CIB1: variants seen among roughly 807,000 people sequenced by gnomAD.
CIB1 encodes calcium and integrin-binding protein 1.
Under a neutral mutation model 25.0 loss-of-function variants are expected in CIB1, and 19 were observed. That is an observed-to-expected ratio of 0.76 (90% CI 0.53 to 1.12). The LOEUF (loss-of-function observed/expected upper bound fraction) is 1.12, where lower values mean the gene tolerates loss of function less well. Ranked by LOEUF, CIB1 falls within the 50% of genes most tolerant of loss-of-function variation. The pLI is 0.00. For missense variants in CIB1, 236 were observed against 242.6 expected, an observed-to-expected ratio of 0.97 and a Z score of 0.18; for synonymous variants, 104 against 98.5, an observed-to-expected ratio of 1.06 and a Z score of -0.33.
intron 2 of CIB1, among the ~76,000 whole-genome samples, chr15:90,233,338 G>A (rs1290113295): frequency 6.6e-6 from 1 of 152,266 alleles, no homozygotes; most frequent in Non-Finnish European, 1.5e-5. Context: ...GCTCCCCAAG[G>A]CTTCTGTGGT....
chr15:90,258,785 C>G, the CIB1 span: 6 of 1,614,182 alleles, frequency 3.7e-6, no homozygotes, highest in Middle Eastern at 3.3e-4. Flanking sequence ...ATGCCTTGAT[C>G]AAGAAGTAAA....
At chr15:90,231,841 T>C (rs1183809165) in intron 3 of CIB1, among the ~76,000 whole-genome samples, 1 of 152,232 alleles carries the variant, frequency 6.6e-6, no homozygotes, top group Non-Finnish European at 1.5e-5. Context: ...AATATTTACT[T>C]GAACAGCTAT....
At chr15:90,231,260 C>T (rs1962481339) in intron 4 of CIB1, 47 bp from the exon 5 acceptor site, 2 of 1,609,426 alleles carry the variant, frequency 1.2e-6, no homozygotes, top group Non-Finnish European at 1.7e-6. Context: ...GGGAGGGGCT[C>T]TGAGGTTCCC....
chr15:90,262,052 C>A, the CIB1 span: 1 of 1,535,772 alleles, frequency 6.5e-7, no homozygotes, highest in Non-Finnish European at 8.7e-7. Context: ...GGACCAGGAA[C>A]GATATGAGGA....
At chr15:90,255,858 T>TC in the CIB1 span, 93 of 1,614,084 alleles carry the variant, frequency 5.8e-5, no homozygotes, top group East Asian at 1.9e-3. Flanking sequence ...TACAACATCT[T>TC]CCCCCGCACC....
At chr15:90,241,118 G>C in the CIB1 span, 1 of 1,614,128 alleles carries the variant, frequency 6.2e-7, no homozygotes, top group Admixed American at 1.7e-5. Context: ...GGAAGCAGCG[G>C]GTGGAGCTGG....
Position 90,230,366 on chromosome 15 carries a change from C to T in CIB1, c.*118G>A, listed in dbSNP as rs1383486626. The T allele has an allele frequency of 8.2e-6, 10 of 1,222,092 alleles. No homozygotes were observed. The highest frequency in any genetic ancestry group is 4.3e-5 in the Admixed American group (2 of 46,894). The allele number at this position is 1,222,092 out of a possible 1,614,324, so 75.7% of individuals were successfully genotyped here. A position where few individuals can be genotyped will look rare whatever the true frequency, so the allele number is the denominator to read the frequency against. On this transcript the variant is annotated 3_prime_UTR_variant, in exon 7 of 7. Coordinates refer to ENST00000328649, the MANE Select transcript of CIB1 (RefSeq NM_006384.4). ...CCCTGCCCGGGGTGAGGCTGCACAG[C>T]GCCAGCTCCAGGCTGGGCCAGCTTG... is the stretch of plus-strand genomic sequence containing the variant.
chr15:90,262,789 T>C, the CIB1 span: 1 of 1,222,222 alleles, frequency 8.2e-7, no homozygotes, highest in South Asian at 1.6e-5. Flanking sequence ...GAGTTCCTAA[T>C]CAGTAAATTG....
chr15:90,256,328 C>A, the CIB1 span: 2 of 1,613,536 alleles, frequency 1.2e-6, no homozygotes, highest in Non-Finnish European at 1.7e-6. Flanking sequence ...ATCAGCCTTC[C>A]CTAGTCCCCA....
At chr15:90,258,059 C>G in the CIB1 span, 1 of 1,614,174 alleles carries the variant, frequency 6.2e-7, no homozygotes, top group Non-Finnish European at 8.5e-7. Flanking sequence ...CACTCAACAT[C>G]TGGCTGCAAG....
rs2073703 is a variant in CIB1, at chr15:90,232,165, G to A, written c.195+54C>T. 703,132 of 1,389,782 alleles carry A rather than the reference G, an allele frequency of 0.51. 182,424 individuals carry two copies. The highest frequency in any genetic ancestry group is 0.78 in the East Asian group (33,293 of 42,702). 86.1% of individuals were successfully genotyped at this position (1,389,782 alleles called of 1,614,324 possible). On this transcript the variant is annotated intron_variant, in intron 3 of 6. Coordinates refer to ENST00000328649, the MANE Select transcript of CIB1 (RefSeq NM_006384.4). ...AGCTAGTGGCAGATGGAGTTAGGGGGTCTAGCAGGGAGGGAGTGGTGGGAG... is the reference window on the plus strand; with the variant it reads ...AGCTAGTGGCAGATGGAGTTAGGGGATCTAGCAGGGAGGGAGTGGTGGGAG...
At chr15:90,257,268 G>A in the CIB1 span, 2 of 1,612,070 alleles carry the variant, frequency 1.2e-6, no homozygotes, top group Non-Finnish European at 1.7e-6. Context: ...ATGGAGCCCA[G>A]CCATAACAAC....
chr15:90,256,202 G>A, the CIB1 span: 9 of 1,614,048 alleles, frequency 5.6e-6, no homozygotes, highest in African/African-American at 9.3e-5. Context: ...CTGCAAGCCA[G>A]ACAGTGGCTG....
the CIB1 span, chr15:90,262,768 A>AAT: frequency 8.0e-7 from 1 of 1,257,034 alleles, no homozygotes; most frequent in Non-Finnish European, 1.1e-6. Context: ...CCCCATGCAC[A>AAT]AGAGAGAGAG....
At chr15:90,238,842 A>G (rs1029081516), upstream of CIB1, among the ~76,000 whole-genome samples, 2 of 152,170 alleles carry the variant, frequency 1.3e-5, no homozygotes, top group Non-Finnish European at 2.9e-5. Flanking sequence ...GATTTTCTGG[A>G]GGGCAGTTTG....
the CIB1 span, chr15:90,257,124 T>C: frequency 6.2e-7 from 1 of 1,610,264 alleles, no homozygotes; most frequent in Non-Finnish European, 8.5e-7. Flanking sequence ...CCTCATGGGT[T>C]TGCATGCTCC....
At chr15:90,246,959 G>C in the CIB1 span, among the ~76,000 whole-genome samples, 1 of 151,564 alleles carries the variant, frequency 6.6e-6, no homozygotes, top group African/African-American at 2.4e-5. Context: ...TTTCCAGGAG[G>C]ACCATTTCTT....
At chr15:90,253,174 C>G in the CIB1 span, 1 of 1,283,538 alleles carries the variant, frequency 7.8e-7, no homozygotes, top group Non-Finnish European at 1.1e-6. Flanking sequence ...GTATACCTTA[C>G]CTGACCCAGC....
chr15:90,258,097 G>T, the CIB1 span: 1 of 1,614,186 alleles, frequency 6.2e-7, no homozygotes, highest in Non-Finnish European at 8.5e-7. Context: ...GGAGAGCTGT[G>T]GGGGGACATC....
Sources: gnomAD v4.1 joint callset for allele counts (sites outside exome capture counted in the v4.1 genomes callset) on GRCh38, gnomAD v4.1.1 for gene constraint, MANE v1.5 for transcripts, NCBI Gene and HGNC (gene_info 2026-07-23, HGNC 2026-07-21) for gene names.